RNLS: variants seen among roughly 807,000 people sequenced by gnomAD.
The protein encoded by RNLS is renalase, FAD dependent amine oxidase.
RNLS carries 39 observed loss-of-function variants against 39.8 expected under a neutral mutation model. That is an observed-to-expected ratio of 0.98 (90% CI 0.76 to 1.28). RNLS has a LOEUF of 1.28. RNLS is among the 50% of genes most tolerant of loss of function. RNLS has a pLI of 0.00. For synonymous variants in RNLS, 147 were observed against 150.7 expected (o/e 0.98, Z 0.18); for missense variants, 410 against 413.3 (o/e 0.99, Z 0.07).
At chr10:88,290,029 T>C (rs1162008980) in intron 6 of RNLS, among the ~76,000 whole-genome samples, 3 of 152,124 alleles carry the variant, frequency 2.0e-5, no homozygotes, top group East Asian at 1.9e-4. Flanking sequence ...TGATTACTAA[T>C]TGTAAAAGTT....
downstream of RNLS, among the ~76,000 whole-genome samples, chr10:88,273,327 C>T (rs747648373): frequency 2.1e-4 from 32 of 152,186 alleles, no homozygotes; most frequent in Admixed American, 6.5e-5. Context: ...AATCCCACCA[C>T]CTTGAAGACA....
chr10:88,203,322 A>G, the RNLS span, among the ~76,000 whole-genome samples: 26 of 7,818 alleles, frequency 3.3e-3, 8 homozygotes, highest in African/African-American at 0.016. Flanking sequence ...ACGTATGTAT[A>G]TATATATATA....
At chr10:88,190,004 C>G in the RNLS span, among the ~76,000 whole-genome samples, 1 of 152,170 alleles carries the variant, frequency 6.6e-6, no homozygotes, top group African/African-American at 2.4e-5. Flanking sequence ...TTAGGGATGA[C>G]TGAATGATGG....
At chr10:88,454,501 T>A (rs180721930) in intron 4 of RNLS, among the ~76,000 whole-genome samples, 227 of 152,338 alleles carry the variant, frequency 1.5e-3, no homozygotes, top group African/African-American at 4.7e-3. Context: ...AGGGTTCCAT[T>A]AATAATGCTG....
chr10:88,455,264 G>GAAAAAAAA (rs11432575), intron 4 of RNLS, among the ~76,000 whole-genome samples: 1 of 150,904 alleles, frequency 6.6e-6, no homozygotes, highest in Non-Finnish European at 1.5e-5. Context: ...AAAGTAAAGG[G>GAAAAAAAA]AAAAAAAAAT....
chr10:88,403,238 G>T (rs915802867), intron 4 of RNLS, among the ~76,000 whole-genome samples: 2 of 151,982 alleles, frequency 1.3e-5, no homozygotes, highest in African/African-American at 4.8e-5. Context: ...TATTGCAATT[G>T]CATTTCTATT....
At chr10:88,256,697 TTTTTAAA>T in the RNLS span, among the ~76,000 whole-genome samples, 5 of 152,290 alleles carry the variant, frequency 3.3e-5, no homozygotes, top group African/African-American at 1.2e-4. Flanking sequence ...GGCTGCTTGC[TTTTTAAA>T]AACAGGCACA....
At chr10:88,417,552 T>C (rs1347388454) in intron 4 of RNLS, among the ~76,000 whole-genome samples, 1 of 152,184 alleles carries the variant, frequency 6.6e-6, no homozygotes, top group Non-Finnish European at 1.5e-5. Context: ...TGAAAGATAA[T>C]ACAGCATGTT....
At chr10:88,530,643 T>C (rs188357747) in intron 4 of RNLS, among the ~76,000 whole-genome samples, 18 of 152,306 alleles carry the variant, frequency 1.2e-4, no homozygotes, top group African/African-American at 3.1e-4. Flanking sequence ...TACAAATATC[T>C]TTCTGTGCTC....
intron 4 of RNLS, among the ~76,000 whole-genome samples, chr10:88,488,199 C>T (rs1009723470): frequency 2.0e-5 from 3 of 152,036 alleles, no homozygotes; most frequent in East Asian, 3.9e-4. Context: ...AAATTATATA[C>T]TTTCGATATG....
exon 7 of RNLS, chr10:88,273,869 T>A (rs1421261274): frequency 6.6e-6 from 1 of 152,196 alleles, no homozygotes; most frequent in Non-Finnish European, 1.5e-5. Flanking sequence ...AAATTACGTT[T>A]CATTATAGTT....
At chr10:88,560,404 G>C (rs1051347709) in intron 4 of RNLS, among the ~76,000 whole-genome samples, 2 of 151,986 alleles carry the variant, frequency 1.3e-5, no homozygotes, top group Non-Finnish European at 2.9e-5. Context: ...AAAAGATCTG[G>C]GAAACGATCA....
chr10:88,438,805 G>A (rs1291017497), intron 4 of RNLS, among the ~76,000 whole-genome samples: 1 of 152,156 alleles, frequency 6.6e-6, no homozygotes, highest in Non-Finnish European at 1.5e-5. Flanking sequence ...CTTGGTCTCT[G>A]TGCATTCCCA....
chr10:88,540,215 A>G lies in RNLS; in HGVS notation c.526+32688T>C, dbSNP rs533938632. On this transcript the variant is annotated intron_variant, in intron 4 of 6. Transcript: ENST00000331772. The stretch of plus-strand genomic sequence containing the variant: ...ACGTATTCCTCCAAAGGCCAAAGAC[A>G]AGCATTTCATAAGCTATTAGAACAG... 3.3e-5 allele frequency among the ~76,000 whole-genome samples: 5 copies of G among 152,262 alleles called. 1 individual carries two copies. The highest frequency in any genetic ancestry group is 1.2e-4 in the African/African-American group (5 of 41,590).
the RNLS span, among the ~76,000 whole-genome samples, chr10:88,182,683 G>A: frequency 1.3e-5 from 2 of 151,052 alleles, no homozygotes; most frequent in African/African-American, 4.9e-5. Flanking sequence ...ATTTGTGTAT[G>A]TGTGTGTGTG....
At chr10:88,184,245 C>T in the RNLS span, among the ~76,000 whole-genome samples, 1 of 152,136 alleles carries the variant, frequency 6.6e-6, no homozygotes, top group Non-Finnish European at 1.5e-5. Context: ...TTGAAGGCCT[C>T]ATTCAAGTTC....
At chr10:88,237,225 C>CCTCT in the RNLS span, among the ~76,000 whole-genome samples, 5 of 135,026 alleles carry the variant, frequency 3.7e-5, no homozygotes, top group Non-Finnish European at 7.9e-5. Context: ...TGAGTCCCTC[C>CCTCT]CTCCCTCCCT....
chr10:88,548,398 G>A (rs1324419826), intron 4 of RNLS, among the ~76,000 whole-genome samples: 1 of 149,674 alleles, frequency 6.7e-6, no homozygotes, highest in Non-Finnish European at 1.5e-5. Flanking sequence ...CCAGCACTTT[G>A]GGAGGCTGAG....
chr10:88,181,796 G>C, the RNLS span, among the ~76,000 whole-genome samples: 1 of 152,048 alleles, frequency 6.6e-6, no homozygotes, highest in African/African-American at 2.4e-5. Context: ...CTAGCTATTT[G>C]GTTTCTATAG....
Sources: allele counts gnomAD v4.1 joint callset (sites outside exome capture counted in the v4.1 genomes callset), GRCh38; gene constraint gnomAD v4.1.1; transcripts MANE v1.5; gene names NCBI Gene and HGNC (gene_info 2026-07-23, HGNC 2026-07-21).